LRRFIP1: variants seen among roughly 807,000 people sequenced by gnomAD.
The protein encoded by LRRFIP1 is LRR binding FLII interacting protein 1.
In LRRFIP1, 62 loss-of-function variants were observed where a neutral mutation model predicts 104.4. That is an observed-to-expected ratio of 0.59 (90% CI 0.48 to 0.73). LRRFIP1 has a LOEUF of 0.73. LRRFIP1 is among the 30% of genes least tolerant of loss of function. The pLI is 0.00. For synonymous variants in LRRFIP1, 300 were observed against 299.0 expected (o/e 1.00, Z -0.03); for missense variants, 796 against 824.5 (o/e 0.97, Z 0.42).
At chr2:237,727,825 G>A (rs551362047) in intron 7 of LRRFIP1, 51 bp from the exon 8 acceptor site, 3 of 1,380,476 alleles carry the variant, frequency 2.2e-6, no homozygotes, top group East Asian at 2.3e-5. Flanking sequence ...TTGTACCTGT[G>A]AATTCATTTG....
At chr2:237,642,067 C>T (rs115974163) in intron 1 of LRRFIP1, among the ~76,000 whole-genome samples, 2,075 of 152,232 alleles carry the variant, frequency 0.014, 44 homozygotes, top group African/African-American at 0.044. Flanking sequence ...GTGCTGCGGC[C>T]AGGCGACCTC....
chr2:237,746,009 T>C (rs568312920), intron 11 of LRRFIP1, among the ~76,000 whole-genome samples: 3 of 152,206 alleles, frequency 2.0e-5, no homozygotes, highest in Admixed American at 6.5e-5. Context: ...AAGTGCTAGA[T>C]AGATAGTTCA....
chr2:237,730,042 G>A (rs1011859791), intron 8 of LRRFIP1, among the ~76,000 whole-genome samples: 9 of 152,142 alleles, frequency 5.9e-5, no homozygotes, highest in African/African-American at 1.9e-4. Context: ...AGTGTGCTGC[G>A]TTTGACCACA....
intron 19 of LRRFIP1, among the ~76,000 whole-genome samples, chr2:237,767,569 A>C (rs2060325238): frequency 6.6e-6 from 1 of 152,184 alleles, no homozygotes; most frequent in Non-Finnish European, 1.5e-5. Context: ...CAGCAATCAA[A>C]TTTTTAAACA....
chr2:237,730,896 C>T (rs1400669459), intron 8 of LRRFIP1, among the ~76,000 whole-genome samples: 3 of 151,652 alleles, frequency 2.0e-5, no homozygotes, highest in African/African-American at 4.9e-5. Flanking sequence ...CCAGCCTGGG[C>T]GACAGAGTGA....
chr2:237,661,937 G>A lies in LRRFIP1; in HGVS notation c.96+34197G>A, dbSNP rs980453699. Reference sequence around the variant, plus strand: ...GACTGAGTCCTCGTGCACCTAGCGTGACCCATGACAGCATGCAGGTGTTGG... The same window carrying A: ...GACTGAGTCCTCGTGCACCTAGCGTAACCCATGACAGCATGCAGGTGTTGG... On this transcript the variant is annotated intron_variant, in intron 1 of 23. Coordinates refer to ENST00000308482, the MANE Select transcript of LRRFIP1 (RefSeq NM_001137550.2). This position sits in a 1 kb window ranked among gnomAD's most constrained non-coding sequence, Gnocchi z 4.4. Among the ~76,000 whole-genome samples, 1 of 152,220 alleles carries A rather than the reference G, an allele frequency of 6.6e-6. No individual in the cohort carries two copies. Among genetic ancestry groups the A allele is most frequent in the Non-Finnish European group, 1.5e-5 (1 of 68,024 alleles).
At chr2:237,731,700 A>G (rs1214088884) in intron 8 of LRRFIP1, among the ~76,000 whole-genome samples, 1 of 152,240 alleles carries the variant, frequency 6.6e-6, no homozygotes, top group Non-Finnish European at 1.5e-5. Context: ...AAAGATGGCA[A>G]TAAATATCTC....
intron 1 of LRRFIP1, among the ~76,000 whole-genome samples, chr2:237,695,339 G>A (rs971909688): frequency 3.3e-5 from 5 of 152,166 alleles, no homozygotes; most frequent in African/African-American, 1.2e-4. Context: ...CTGAGCACAG[G>A]AAATCAAGTT....
intron 1 of LRRFIP1, chr2:237,683,544 T>G (rs544750888): frequency 6.6e-6 from 1 of 152,358 alleles, no homozygotes; most frequent in South Asian, 2.1e-4. Context: ...GATATCCAAT[T>G]TGTACACATG....
intron 19 of LRRFIP1, chr2:237,763,482 A>T (rs2060067113): frequency 1.2e-6 from 2 of 1,613,490 alleles, no homozygotes; most frequent in Non-Finnish European, 1.7e-6. Flanking sequence ...ACCCTTAAAG[A>T]TGTTAAAAAA....
intron 14 of LRRFIP1, 60 bp downstream of exon 14, chr2:237,751,331 A>C (rs2058604449): frequency 1.1e-5 from 14 of 1,294,190 alleles, no homozygotes; most frequent in South Asian, 2.7e-5. Context: ...AAAAAAAAAA[A>C]CAACATCCTA....
chr2:237,642,739 T>G (rs554655519), intron 1 of LRRFIP1, among the ~76,000 whole-genome samples: 1 of 151,930 alleles, frequency 6.6e-6, no homozygotes, highest in East Asian at 1.9e-4. Flanking sequence ...AGGCTAGGGG[T>G]TTCAGGTTCC....
At chr2:237,664,693 C>T (rs550681375) in intron 1 of LRRFIP1, among the ~76,000 whole-genome samples, 3 of 152,344 alleles carry the variant, frequency 2.0e-5, no homozygotes, top group East Asian at 3.9e-4. Context: ...TACCCAACGG[C>T]TGCATAGTGT....
intron 7 of LRRFIP1, among the ~76,000 whole-genome samples, chr2:237,727,477 A>T (rs116486380): frequency 0.01 from 1,593 of 152,324 alleles, 32 homozygotes; most frequent in African/African-American, 0.036. Flanking sequence ...ACTCAGGCTG[A>T]ATCACTACCC....
At chr2:237,721,571 A>G (rs1404485643) in intron 6 of LRRFIP1, 4 of 152,240 alleles carry the variant, frequency 2.6e-5, no homozygotes, top group Non-Finnish European at 5.9e-5. Flanking sequence ...CACCGCTAGT[A>G]ATAAATAAAT....
chr2:237,638,549 A>T (rs1290158835), intron 1 of LRRFIP1, among the ~76,000 whole-genome samples: 1 of 152,128 alleles, frequency 6.6e-6, no homozygotes, highest in Non-Finnish European at 1.5e-5. Context: ...CCCCCAGCAT[A>T]TTTTTAAATC....
At chr2:237,763,550 T>G in intron 19 of LRRFIP1, 1 of 1,613,160 alleles carries the variant, frequency 6.2e-7, no homozygotes, top group Non-Finnish European at 8.5e-7. Context: ...GCAGGTAAAG[T>G]CTACTGACAG....
At chr2:237,636,119 A>G (rs1307663564) in intron 1 of LRRFIP1, among the ~76,000 whole-genome samples, 1 of 151,158 alleles carries the variant, frequency 6.6e-6, no homozygotes, top group South Asian at 2.1e-4. Context: ...AAAAAAATTT[A>G]AAAGAAAAAG....
At chr2:237,749,675 T>G (rs1023512434) in intron 13 of LRRFIP1, among the ~76,000 whole-genome samples, 1 of 152,210 alleles carries the variant, frequency 6.6e-6, no homozygotes, top group Non-Finnish European at 1.5e-5. Flanking sequence ...TCCACAAGTT[T>G]GGACACCAGA....
Sources: gnomAD v4.1 joint callset for allele counts (sites outside exome capture counted in the v4.1 genomes callset) on GRCh38, gnomAD v4.1.1 for gene constraint, Gnocchi (gnomAD v3.1) non-coding constraint, MANE v1.5 for transcripts, NCBI Gene and HGNC (gene_info 2026-07-23, HGNC 2026-07-21) for gene names.